TPCN1: variants seen among roughly 807,000 people sequenced by gnomAD.
TPCN1 encodes two pore channel protein 1.
In TPCN1, 52 loss-of-function variants were observed where a neutral mutation model predicts 108.8. The ratio of observed to expected loss-of-function variants is 0.48; its 90% CI spans 0.38 to 0.60. The LOEUF is 0.60. Ranked by LOEUF, TPCN1 falls within the 20% of genes least tolerant of loss-of-function variation. The probability of loss-of-function intolerance (pLI) is 0.00; values close to 1 mark genes in which losing one functional copy is unlikely to be tolerated. For synonymous variants in TPCN1, 446 were observed against 433.7 expected (o/e 1.03, Z -0.35); for missense variants, 806 against 1,072.8 (o/e 0.75, Z 3.47).
rs1045286205 is a variant in TPCN1, at chr12:113,272,962, G to C, written c.783+270G>C. ...TGGAATATTTTGGCAGAGGAGCAGT[G>C]GGGGAGAGCCAGGCGAATGGCCCAG... On this transcript the variant is annotated intron_variant, in intron 8 of 27. Coordinates refer to ENST00000335509, the MANE Select transcript of TPCN1 (RefSeq NM_017901.6). The surrounding 1 kb of genome is among the most constrained non-coding windows in gnomAD (Gnocchi z 4.1). Among the ~76,000 whole-genome samples the C allele has an allele frequency of 6.6e-6, 1 of 152,196 alleles. No homozygotes were observed. Among genetic ancestry groups the C allele is most frequent in the East Asian group, 1.9e-4 (1 of 5,194 alleles).
Position 113,269,711 on chromosome 12 carries a change from C to T in TPCN1, c.660-46C>T, listed in dbSNP as rs549673093. ...CTCAACAAGGAGGAGTCCCAGGCAG[C>T]CCGCCCCAGCTGGTGCCTCCCCTGA... On this transcript the variant is annotated intron_variant, in intron 6 of 27. Transcript: ENST00000335509. The surrounding 1 kb of genome is among the most constrained non-coding windows in gnomAD (Gnocchi z 5.0). The T allele has an allele frequency of 5.1e-6, 8 of 1,572,224 alleles. No individual in the cohort carries two copies. In the African/African-American group the frequency reaches 5.4e-5, roughly 11 times the overall value.
intron 15 of TPCN1, among the ~76,000 whole-genome samples, chr12:113,280,812 G>A (rs1955862840): frequency 2.0e-5 from 3 of 152,174 alleles, no homozygotes; most frequent in Admixed American, 2.0e-4. Context: ...TTTCCAAGGA[G>A]CTCTGGTTCC....
chr12:113,291,763 G>A lies in TPCN1; in HGVS notation c.2028+86G>A, dbSNP rs575542950. On this transcript the variant is annotated intron_variant, in intron 24 of 27. Transcript: ENST00000335509. ...GCTCTTCAGCCTGCAGCGTCAGGGA[G>A]TGGGGCTGGGTCCCATCTGGCCGGA... is the stretch of plus-strand genomic sequence containing the variant. 1.6e-4 allele frequency: 245 copies of A among 1,571,802 alleles called. 2 individuals are homozygous for A. In the African/African-American group the frequency reaches 3.0e-3, roughly 19 times the overall value.
intron 2 of TPCN1, among the ~76,000 whole-genome samples, chr12:113,229,670 T>C (rs1187465409): frequency 1.3e-5 from 2 of 152,144 alleles, no homozygotes; most frequent in African/African-American, 2.4e-5. Flanking sequence ...TTTGTATTTT[T>C]AGTGGAGACG....
chr12:113,240,421 G>A (rs145997348), intron 2 of TPCN1, among the ~76,000 whole-genome samples: 25 of 152,266 alleles, frequency 1.6e-4, no homozygotes, highest in Admixed American at 5.2e-4. Flanking sequence ...TTCTGGCATC[G>A]TCTCTTGATA....
intron 13 of TPCN1, 118 bp from the exon 14 acceptor site, chr12:113,278,654 G>T (rs1167045044): frequency 1.3e-6 from 1 of 792,176 alleles, no homozygotes; most frequent in Non-Finnish European, 2.1e-6. Context: ...ATCCCTGAAG[G>T]TTAACATTGT....
At chr12:113,248,964 A>C (rs1050098466) in intron 2 of TPCN1, among the ~76,000 whole-genome samples, 1 of 152,034 alleles carries the variant, frequency 6.6e-6, no homozygotes, top group Non-Finnish European at 1.5e-5. Flanking sequence ...GTGGCAGGGG[A>C]GCTGGTGAGA....
At chr12:113,230,624 C>T (rs1566135104) in intron 2 of TPCN1, among the ~76,000 whole-genome samples, 1 of 152,056 alleles carries the variant, frequency 6.6e-6, no homozygotes, top group Non-Finnish European at 1.5e-5. Context: ...CTTTAAAGGC[C>T]CTTTCTCCAA....
At position 113,280,113 on chromosome 12, in the gene TPCN1, C is replaced by T. The variant is rs762606401; in HGVS notation, c.1298-38C>T. 25 of 1,514,630 alleles carry T rather than the reference C, an allele frequency of 1.7e-5. No individual in the cohort carries two copies. In the East Asian group the frequency reaches 2.0e-4, roughly 12 times the overall value. The allele number at this position is 1,514,630 out of a possible 1,614,324, so 93.8% of individuals were successfully genotyped here. On this transcript the variant is annotated intron_variant, in intron 14 of 27. Coordinates refer to ENST00000335509, the MANE Select transcript of TPCN1 (RefSeq NM_017901.6). ...AAGGATACAGTAGGGGGAACAAGTG[C>T]GTAAATTTACATTTTAACTTGTCTT...
intron 1 of TPCN1, among the ~76,000 whole-genome samples, chr12:113,223,862 T>C (rs910657123): frequency 1.3e-5 from 2 of 152,132 alleles, no homozygotes; most frequent in Admixed American, 6.5e-5. Context: ...TGTTTTAAAT[T>C]GGGAGTTAAG....
chr12:113,297,960 T>G lies in TPCN1; in HGVS notation c.*1884T>G. On this transcript the variant is annotated 3_prime_UTR_variant, in exon 28 of 28. Transcript: ENST00000335509. This position sits in a 1 kb window ranked among gnomAD's most constrained non-coding sequence, Gnocchi z 4.4. ...CTGGGCCCTTCTTCCTCCCCAGGGG[T>G]GGAAACGTGGAGGGGCCAGCAGCAC... The G allele has an allele frequency of 6.6e-6, 1 of 151,838 alleles. No homozygotes were observed. The highest frequency in any genetic ancestry group is 1.5e-5 in the Non-Finnish European group (1 of 67,966). The allele number at this position is 151,838 out of a possible 1,614,324, so 9.4% of individuals were successfully genotyped here.
intron 2 of TPCN1, among the ~76,000 whole-genome samples, chr12:113,245,431 A>T (rs1376310406): frequency 2.9e-5 from 4 of 138,470 alleles, no homozygotes; most frequent in African/African-American, 8.4e-5. Flanking sequence ...CCCCGTCTCT[A>T]CTAAAAAAAA....
intron 2 of TPCN1, among the ~76,000 whole-genome samples, chr12:113,233,756 G>A (rs1273973772): frequency 6.6e-6 from 1 of 152,162 alleles, no homozygotes; most frequent in East Asian, 1.9e-4. Flanking sequence ...CTATCATTTG[G>A]TCCTCCCTCC....
chr12:113,276,564 G>A (rs965272964), intron 10 of TPCN1, among the ~76,000 whole-genome samples: 5 of 152,132 alleles, frequency 3.3e-5, no homozygotes, highest in South Asian at 2.1e-4. Flanking sequence ...ATCCAGATGC[G>A]CCCCTCTTGC....
rs959629875 is a variant in TPCN1 at position 113,288,035 on chromosome 12, G to A, written c.1635-128G>A. On this transcript the variant is annotated intron_variant, in intron 19 of 27. Transcript: ENST00000335509. The surrounding 1 kb of genome is among the most constrained non-coding windows in gnomAD (Gnocchi z 4.8). ...GTTGGTGGCGCCCAAGGGAGTGGAC[G>A]CAGGTGGAGGAGAGGCCCTCACCTG... 1.0e-5 allele frequency: 9 copies of A among 867,244 alleles called. No individual in the cohort carries two copies. Among genetic ancestry groups the A allele is most frequent in the Non-Finnish European group, 1.4e-5 (8 of 557,740 alleles). 53.7% of individuals were successfully genotyped at this position (867,244 alleles called of 1,614,324 possible).
intron 14 of TPCN1, among the ~76,000 whole-genome samples, chr12:113,279,244 G>A (rs1164631784): frequency 6.7e-6 from 1 of 149,822 alleles, no homozygotes; most frequent in Non-Finnish European, 1.5e-5. Flanking sequence ...AAACAGTAGG[G>A]TGACATTATA....
chr12:113,287,169 G>A, intron 19 of TPCN1, 75 bp downstream of exon 19: 2 of 1,288,108 alleles, frequency 1.6e-6, no homozygotes, highest in South Asian at 1.2e-5. Context: ...GATCCGGGAA[G>A]TGACCCAGAA....
intron 2 of TPCN1, among the ~76,000 whole-genome samples, chr12:113,242,523 G>A (rs1258052646): frequency 6.6e-6 from 1 of 152,170 alleles, no homozygotes; most frequent in Non-Finnish European, 1.5e-5. Flanking sequence ...TAGGGCCTTT[G>A]TACACTTAGA....
Position 113,278,840 on chromosome 12 carries a change from G to A in TPCN1, c.1297+5G>A, listed in dbSNP as rs1272631415. ...CGGCGCTCCTCATCTTCAAAGGTAA[G>A]TGGGCTTGAGTATGGCAGGTGTTGG... is the stretch of plus-strand genomic sequence containing the variant. On this transcript the variant is annotated splice_donor_5th_base_variant and intron_variant, in intron 14 of 27. Coordinates refer to ENST00000335509, the MANE Select transcript of TPCN1 (RefSeq NM_017901.6). 1.2e-6 allele frequency: 2 copies of A among 1,613,824 alleles called. No homozygotes were observed. Among genetic ancestry groups the A allele is most frequent in the Non-Finnish European group, 1.7e-6 (2 of 1,179,780 alleles).
Sources: gnomAD v4.1 joint callset for allele counts (sites outside exome capture counted in the v4.1 genomes callset) on GRCh38, gnomAD v4.1.1 for gene constraint, Gnocchi (gnomAD v3.1) non-coding constraint, MANE v1.5 for transcripts, NCBI Gene and HGNC (gene_info 2026-07-23, HGNC 2026-07-21) for gene names.